The following NCOA1 variants were observed in gnomAD, a reference collection of about 807,000 sequenced individuals.
The protein encoded by NCOA1 is nuclear receptor coactivator 1.
In NCOA1, 35 loss-of-function variants were observed where a neutral mutation model predicts 150.9. That is an observed-to-expected ratio of 0.23 (90% CI 0.18 to 0.31). The LOEUF is 0.31. NCOA1 is among the 10% of genes least tolerant of loss of function. The pLI is 1.00. For missense variants in NCOA1, 1,491 were observed against 1,749.3 expected (o/e 0.85, Z 2.63); for synonymous variants, 590 against 630.0 (o/e 0.94, Z 0.95).
intron 3 of NCOA1, among the ~76,000 whole-genome samples, chr2:24,631,526 T>A (rs1439961): frequency 6.6e-6 from 1 of 152,154 alleles, no homozygotes; most frequent in East Asian, 1.9e-4. Flanking sequence ...ATGTAAATAC[T>A]GTACTCTAGT....
chr2:24,768,341 A>T lies in NCOA1; in HGVS notation c.4276A>T (p.Thr1426Ser). Reference sequence around the variant, plus strand: ...TCAAAAGCCCACGTCAGGACCACAGACCCCCCAGGCCCAGCAGAAGAGCCT... The same window carrying T: ...TCAAAAGCCCACGTCAGGACCACAGTCCCCCCAGGCCCAGCAGAAGAGCCT... ...GTQKPTSGPQ[T>S]PQAQQKSLLQ... The change falls in exon 23 of 23, where the codon ACC becomes TCC. Residue 1426 changes from threonine to serine, a missense_variant. Coordinates refer to ENST00000348332, the MANE Select transcript of NCOA1 (RefSeq NM_003743.5). The T allele has an allele frequency of 6.2e-7, 1 of 1,613,212 alleles. No homozygotes were observed.
At chr2:24,671,741 A>T (rs554398345) in intron 6 of NCOA1, among the ~76,000 whole-genome samples, 2 of 152,174 alleles carry the variant, frequency 1.3e-5, no homozygotes, top group South Asian at 4.2e-4. Flanking sequence ...TTGTATTTTT[A>T]TTAGAGATAG....
intron 17 of NCOA1, among the ~76,000 whole-genome samples, chr2:24,735,566 G>A (rs12476898): frequency 0.02 from 2,965 of 152,042 alleles, 251 homozygotes; most frequent in Admixed American, 0.16. Context: ...TTGGCCATGA[G>A]TATATCTCAC....
At chr2:24,553,051 C>T (rs1384387814) in intron 1 of NCOA1, among the ~76,000 whole-genome samples, 1 of 152,174 alleles carries the variant, frequency 6.6e-6, no homozygotes, top group African/African-American at 2.4e-5. Context: ...GTGGTGAGAG[C>T]AGACGTTCAT....
chr2:24,599,558 A>C (rs1055802403), intron 3 of NCOA1, among the ~76,000 whole-genome samples: 3 of 152,132 alleles, frequency 2.0e-5, no homozygotes, highest in African/African-American at 7.2e-5. Flanking sequence ...TAGGATTTTT[A>C]AAAACTTTAT....
At chr2:24,686,158 C>A (rs774468794) in intron 8 of NCOA1, among the ~76,000 whole-genome samples, 1 of 152,068 alleles carries the variant, frequency 6.6e-6, no homozygotes, top group Non-Finnish European at 1.5e-5. Flanking sequence ...CCCACCACCA[C>A]GCCCAGCTAA....
intron 1 of NCOA1, among the ~76,000 whole-genome samples, chr2:24,558,828 C>G (rs1393249337): frequency 2.0e-5 from 3 of 152,058 alleles, no homozygotes; most frequent in Non-Finnish European, 4.4e-5. Flanking sequence ...GAGGTGATAC[C>G]TAGAGGTGTG....
intron 2 of NCOA1, among the ~76,000 whole-genome samples, chr2:24,567,136 G>T (rs994391723): frequency 3.9e-5 from 6 of 152,220 alleles, no homozygotes; most frequent in Non-Finnish European, 8.8e-5. Context: ...CCTGAAAGGG[G>T]TTAGTGTAAT....
At chr2:24,576,554 T>C (rs1267873761) in intron 2 of NCOA1, among the ~76,000 whole-genome samples, 1 of 152,188 alleles carries the variant, frequency 6.6e-6, no homozygotes, top group Non-Finnish European at 1.5e-5. Context: ...CTAAAAGCCA[T>C]TGTTTCATCT....
chr2:24,580,969 A>G (rs1667170374), intron 2 of NCOA1, among the ~76,000 whole-genome samples: 1 of 152,180 alleles, frequency 6.6e-6, no homozygotes, highest in South Asian at 2.1e-4. Flanking sequence ...GGGAAGCCTC[A>G]TTACTTTCCT....
intron 1 of NCOA1, among the ~76,000 whole-genome samples, chr2:24,553,863 T>C (rs1230141734): frequency 1.3e-5 from 2 of 152,248 alleles, no homozygotes; most frequent in Non-Finnish European, 2.9e-5. Flanking sequence ...GTATGATTTC[T>C]TCATTAAATG....
intron 19 of NCOA1, among the ~76,000 whole-genome samples, chr2:24,743,860 T>C (rs1040893523): frequency 6.6e-6 from 1 of 152,234 alleles, no homozygotes; most frequent in Non-Finnish European, 1.5e-5. Context: ...CAAACATTAA[T>C]AAATTCCTCA....
chr2:24,707,743 A>G lies in NCOA1; in HGVS notation c.2273A>G (p.Lys758Arg). 6.2e-7 allele frequency: 1 copy of G among 1,614,208 alleles called. No individual in the cohort carries two copies. The highest frequency in any genetic ancestry group is 2.2e-5 in the East Asian group (1 of 44,886). Residue 758 changes from lysine (K) to arginine (R), a missense_variant, in exon 13 of 23, where the codon AAA (lysine) becomes AGA (arginine). Transcript: ENST00000348332. Reference sequence around the variant, plus strand: ...CGCTATCTTTTAGATAAAGATGAGAAAGATTTAAGATCAACTCCAAACCTG... The same window carrying G: ...CGCTATCTTTTAGATAAAGATGAGAGAGATTTAAGATCAACTCCAAACCTG... Reference protein sequence around the residue: ...LLRYLLDKDEKDLRSTPNLSL... With the variant: ...LLRYLLDKDERDLRSTPNLSL...
rs200221675 is a variant in NCOA1 at position 24,497,671 on chromosome 2, C to CA, written c.-396+6082dup. Among the ~76,000 whole-genome samples, 1,045 of 138,778 alleles carry CA rather than the reference C, an allele frequency of 7.5e-3. 5 individuals are homozygous for CA. Among genetic ancestry groups the CA allele is most frequent in the Middle Eastern group, 0.029 (8 of 280 alleles). The allele number at this position is 138,778 out of a possible 152,430, so 91.0% of individuals were successfully genotyped here. Reference sequence around the variant, plus strand: ...TGGGTGACAGAGCGAGACTCCATCTCAAAAAAAAAAAAAGATTCTTGTGCT... The same window carrying CA: ...TGGGTGACAGAGCGAGACTCCATCTCAAAAAAAAAAAAAAGATTCTTGTGCT... On this transcript the variant is annotated intron_variant, in intron 1 of 22. Transcript: ENST00000348332.
chr2:24,602,764 T>A (rs1385282842), intron 3 of NCOA1, among the ~76,000 whole-genome samples: 1 of 152,124 alleles, frequency 6.6e-6, no homozygotes. Context: ...ATAAAAACAT[T>A]GTTTAGTATG....
At chr2:24,656,892 A>G (rs1003402965) in intron 4 of NCOA1, among the ~76,000 whole-genome samples, 2 of 152,212 alleles carry the variant, frequency 1.3e-5, no homozygotes, top group African/African-American at 2.4e-5. Context: ...TTGATTTCAT[A>G]TGTTGGCTTA....
intron 7 of NCOA1, among the ~76,000 whole-genome samples, chr2:24,681,382 A>G (rs771442149): frequency 5.9e-5 from 9 of 152,196 alleles, no homozygotes; most frequent in African/African-American, 9.6e-5. Flanking sequence ...CTGAGAATCT[A>G]ATTGGAAGAT....
chr2:24,741,709 C>A, intron 18 of NCOA1, 75 bp from the exon 19 acceptor site: 1 of 1,468,970 alleles, frequency 6.8e-7, no homozygotes, highest in Non-Finnish European at 9.1e-7. Context: ...GCAAGTAGGC[C>A]TTAATCCAAT....
chr2:24,580,997 G>T (rs946373042), intron 2 of NCOA1, among the ~76,000 whole-genome samples: 6 of 152,136 alleles, frequency 3.9e-5, no homozygotes, highest in Admixed American at 3.9e-4. Context: ...TACAAGTCCA[G>T]GTTCTCTACT....
Sources: gnomAD v4.1 joint callset for allele counts (sites outside exome capture counted in the v4.1 genomes callset) on GRCh38, gnomAD v4.1.1 for gene constraint, MANE v1.5 for transcripts, NCBI Gene and HGNC (gene_info 2026-07-23, HGNC 2026-07-21) for gene names.